PTPRA: variants seen among roughly 807,000 people sequenced by gnomAD.
PTPRA encodes receptor-type tyrosine-protein phosphatase alpha.
In PTPRA, 25 loss-of-function variants were observed where a neutral mutation model predicts 104.8. The observed-to-expected ratio is 0.24, with a 90% CI of 0.17 to 0.33. The LOEUF (loss-of-function observed/expected upper bound fraction) is 0.33, where lower values mean the gene tolerates loss of function less well. Ranked by LOEUF, PTPRA falls within the 10% of genes least tolerant of loss-of-function variation. The pLI is 1.00. For synonymous variants in PTPRA, 323 were observed against 368.9 expected (o/e 0.88, Z 1.43); for missense variants, 765 against 1,015.3 (o/e 0.75, Z 3.35).
upstream of PTPRA, among the ~76,000 whole-genome samples, chr20:2,872,168 C>T (rs1320002050): frequency 6.6e-6 from 1 of 151,642 alleles, no homozygotes; most frequent in Non-Finnish European, 1.5e-5. The surrounding 1 kb of genome is among the most constrained non-coding windows in gnomAD (Gnocchi z 7.9). Flanking sequence ...GCACAGAGTC[C>T]CTAACTGGCG....
chr20:3,018,631 C>T (rs1163474654), intron 13 of PTPRA, among the ~76,000 whole-genome samples: 1 of 151,912 alleles, frequency 6.6e-6, no homozygotes, highest in Non-Finnish European at 1.5e-5. Flanking sequence ...CTTCTTTCCA[C>T]ACAGACACGG....
chr20:2,949,740 AC>A (rs2061291055), intron 3 of PTPRA, among the ~76,000 whole-genome samples: 1 of 151,742 alleles, frequency 6.6e-6, no homozygotes, highest in South Asian at 2.1e-4. Flanking sequence ...TTAAATAGTA[AC>A]TTTTATCAGG....
intron 22 of PTPRA, among the ~76,000 whole-genome samples, chr20:3,036,208 G>A (rs1197222868): frequency 6.6e-6 from 1 of 152,218 alleles, no homozygotes. Flanking sequence ...GACCCCGGTT[G>A]TGCTATGAAC....
intron 1 of PTPRA, among the ~76,000 whole-genome samples, chr20:2,899,393 G>A (rs541248014): frequency 6.6e-6 from 1 of 152,262 alleles, no homozygotes; most frequent in South Asian, 2.1e-4. Flanking sequence ...GGACCACATG[G>A]GGAAGCACCA....
At chr20:2,872,085 G>C (rs756956756), upstream of PTPRA, among the ~76,000 whole-genome samples, 1 of 152,104 alleles carries the variant, frequency 6.6e-6, no homozygotes, top group Non-Finnish European at 1.5e-5. This position sits in a 1 kb window ranked among gnomAD's most constrained non-coding sequence, Gnocchi z 7.9. Context: ...AGAAGGCGGT[G>C]GTGGGGACCG....
rs1442049408 is a variant in PTPRA at position 3,021,493 on chromosome 20, G to A, written c.1161+65G>A. The A allele has an allele frequency of 5.0e-6, 8 of 1,596,632 alleles. No individual in the cohort carries two copies. The Admixed American group carries it at 1.3e-4, about 27-fold the overall frequency. ...TCTGCTGACCAGTAAGAGGGAACAG[G>A]CTGGATCATCCCGCTGTGGTCAGGA... On this transcript the variant is annotated intron_variant, in intron 14 of 23. Coordinates refer to ENST00000399903, the MANE Select transcript of PTPRA (RefSeq NM_001385305.1).
intron 1 of PTPRA, among the ~76,000 whole-genome samples, chr20:2,881,288 G>T (rs1328087132): frequency 6.6e-6 from 1 of 151,818 alleles, no homozygotes; most frequent in Non-Finnish European, 1.5e-5. Context: ...TCAAGCCTGG[G>T]TGACAGAGCA....
At chr20:2,884,516 A>G (rs2090258439) in intron 1 of PTPRA, among the ~76,000 whole-genome samples, 1 of 152,130 alleles carries the variant, frequency 6.6e-6, no homozygotes, top group Non-Finnish European at 1.5e-5. Flanking sequence ...TTGCATTTCC[A>G]TGATGATTTA....
chr20:2,912,339 G>A (rs752430698), intron 1 of PTPRA, among the ~76,000 whole-genome samples: 4 of 152,100 alleles, frequency 2.6e-5, no homozygotes, highest in African/African-American at 4.8e-5. Context: ...CTAATGTTTG[G>A]CCGGGCATGG....
chr20:2,910,148 A>G, intron 1 of PTPRA, among the ~76,000 whole-genome samples: 1 of 97,516 alleles, frequency 1.0e-5, no homozygotes, highest in Non-Finnish European at 2.0e-5. Flanking sequence ...AACATCATAT[A>G]TACTATACGT....
chr20:2,870,292 C>T (rs899765028), upstream of PTPRA, among the ~76,000 whole-genome samples: 1 of 151,822 alleles, frequency 6.6e-6, no homozygotes, highest in Non-Finnish European at 1.5e-5. Flanking sequence ...CGCTTGAACC[C>T]GGGAGGCAGA....
intron 2 of PTPRA, among the ~76,000 whole-genome samples, chr20:2,931,205 C>T (rs1449090834): frequency 6.6e-6 from 1 of 152,000 alleles, no homozygotes; most frequent in Non-Finnish European, 1.5e-5. Flanking sequence ...GATGATTTAG[C>T]CTAGCTTGGA....
At chr20:3,013,269 T>G (rs2064267827) in intron 11 of PTPRA, among the ~76,000 whole-genome samples, 1 of 152,116 alleles carries the variant, frequency 6.6e-6, no homozygotes, top group Non-Finnish European at 1.5e-5. Flanking sequence ...GGTCTGTAGT[T>G]TGGGAAACAC....
intron 20 of PTPRA, among the ~76,000 whole-genome samples, chr20:3,030,546 T>C (rs1409662097): frequency 1.3e-5 from 2 of 152,120 alleles, no homozygotes; most frequent in Non-Finnish European, 2.9e-5. Flanking sequence ...CCTACACTTA[T>C]ACAGTGACAC....
intron 1 of PTPRA, among the ~76,000 whole-genome samples, chr20:2,882,444 CA>C (rs150735447): frequency 0.015 from 2,344 of 152,002 alleles, 124 homozygotes; most frequent in Admixed American, 0.09. Context: ...CATGCACCAC[CA>C]TACCTATTTT....
At chr20:2,864,634 G>A in the PTPRA span, 1 of 1,614,128 alleles carries the variant, frequency 6.2e-7, no homozygotes, top group African/African-American at 1.3e-5. The surrounding 1 kb of genome is among the most constrained non-coding windows in gnomAD (Gnocchi z 5.2). Context: ...CCACATCCGA[G>A]CCAGCTATGC....
intron 1 of PTPRA, among the ~76,000 whole-genome samples, chr20:2,879,141 A>G (rs1006822603): frequency 6.6e-6 from 1 of 152,200 alleles, no homozygotes; most frequent in African/African-American, 2.4e-5. Flanking sequence ...GATGTGATGA[A>G]AGGGGAAGAA....
At position 3,004,256 on chromosome 20, in the gene PTPRA, G is replaced by C. The variant is rs978969188; in HGVS notation, c.739-800G>C. Among the ~76,000 whole-genome samples the C allele has an allele frequency of 1.2e-4, 18 of 151,474 alleles. No individual in the cohort carries two copies. The South Asian group carries it at 2.5e-3, about 21-fold the overall frequency. On this transcript the variant is annotated intron_variant, in intron 9 of 23. Coordinates refer to ENST00000399903, the MANE Select transcript of PTPRA (RefSeq NM_001385305.1). The stretch of plus-strand genomic sequence containing the variant: ...TGGTCTCGAACTCCTGACCTCAGGT[G>C]ATCCACCCGCCTCAGCCTCCCAAAG...
At chr20:2,945,068 TC>T (rs2061074875) in intron 2 of PTPRA, among the ~76,000 whole-genome samples, 1 of 152,222 alleles carries the variant, frequency 6.6e-6, no homozygotes, top group African/African-American at 2.4e-5. Context: ...TTTGCTTCTC[TC>T]TGCTTCATTC....
Sources: gnomAD v4.1 joint callset for allele counts (sites outside exome capture counted in the v4.1 genomes callset) on GRCh38, gnomAD v4.1.1 for gene constraint, Gnocchi (gnomAD v3.1) non-coding constraint, MANE v1.5 for transcripts, NCBI Gene and HGNC (gene_info 2026-07-23, HGNC 2026-07-21) for gene names.